Variants in CFH observed in about 807,000 individuals in gnomAD.
CFH encodes H factor 1 (complement).
A neutral mutation model predicts 147.3 loss-of-function variants in CFH; 53 were observed. That is an observed-to-expected ratio of 0.36 (90% CI 0.29 to 0.45). The LOEUF is 0.45. Ranked by LOEUF, CFH falls within the 20% of genes least tolerant of loss-of-function variation. CFH has a pLI of 1.00. For missense variants in CFH, 1,380 were observed against 1,498.0 expected, an observed-to-expected ratio of 0.92 and a Z score of 1.30; for synonymous variants, 536 against 489.4, an observed-to-expected ratio of 1.10 and a Z score of -1.26.
At chr1:196,685,370 T>C (rs1667791676) in intron 7 of CFH, 133 bp downstream of exon 7, 3 of 968,386 alleles carry the variant, frequency 3.1e-6, no homozygotes, top group Non-Finnish European at 4.8e-6. Flanking sequence ...AAGCATTCTT[T>C]AGTTTTCGAA....
intron 1 of CFH, among the ~76,000 whole-genome samples, chr1:196,666,089 T>G (rs1370072106): frequency 6.6e-6 from 1 of 152,226 alleles, no homozygotes; most frequent in Non-Finnish European, 1.5e-5. Flanking sequence ...AAACTCAGCT[T>G]CTAATATCTT....
chr1:196,710,330 A>G (rs1395437475), intron 9 of CFH, among the ~76,000 whole-genome samples: 1 of 152,118 alleles, frequency 6.6e-6, no homozygotes, highest in Non-Finnish European at 1.5e-5. Flanking sequence ...GTCTCAGCGT[A>G]TTGGTCTATT....
intron 15 of CFH, among the ~76,000 whole-genome samples, chr1:196,729,276 T>G (rs891961150): frequency 6.6e-6 from 1 of 152,062 alleles, no homozygotes; most frequent in Non-Finnish European, 1.5e-5. Flanking sequence ...ATATATGCAG[T>G]GAAGTGTACA....
chr1:196,732,102 T>A (rs182533061), intron 15 of CFH, among the ~76,000 whole-genome samples: 1 of 152,186 alleles, frequency 6.6e-6, no homozygotes, highest in Admixed American at 6.6e-5. Flanking sequence ...TTTCTGTTTT[T>A]AACATGGTGA....
chr1:196,673,817 G>A (rs372454449), intron 2 of CFH, 40 bp from the exon 3 acceptor site: 7 of 1,191,766 alleles, frequency 5.9e-6, no homozygotes, highest in Non-Finnish European at 8.8e-6. Flanking sequence ...TATATTCCTT[G>A]CTATTACATA....
At chr1:196,737,103 C>T (rs1292178604) in intron 16 of CFH, 97 bp downstream of exon 16, 6 of 1,063,756 alleles carry the variant, frequency 5.6e-6, no homozygotes, top group Non-Finnish European at 8.4e-6. Flanking sequence ...TTCTCTGTGT[C>T]TATTACTTTA....
intron 6 of CFH, among the ~76,000 whole-genome samples, chr1:196,680,075 A>G (rs1335801641): frequency 6.6e-6 from 1 of 151,880 alleles, no homozygotes; most frequent in African/African-American, 2.4e-5. Flanking sequence ...AGTGAGGACT[A>G]TAATAGACTT....
intron 9 of CFH, among the ~76,000 whole-genome samples, chr1:196,712,587 G>A (rs1429794511): frequency 2.0e-5 from 3 of 151,252 alleles, no homozygotes; most frequent in Admixed American, 6.6e-5. Flanking sequence ...CCTAGTAAAC[G>A]ACAGTAATTT....
intron 6 of CFH, among the ~76,000 whole-genome samples, chr1:196,680,808 A>G (rs933884817): frequency 1.3e-5 from 2 of 151,918 alleles, no homozygotes; most frequent in African/African-American, 4.8e-5. Flanking sequence ...ACAAAAGAAT[A>G]GTTAATTTTG....
At chr1:196,654,767 G>A (rs1447105116) in intron 1 of CFH, among the ~76,000 whole-genome samples, 2 of 152,152 alleles carry the variant, frequency 1.3e-5, no homozygotes, top group East Asian at 1.9e-4. Context: ...GATTTAGAGT[G>A]CAGAAACGTT....
In CFH at chr1:196,652,110, T is replaced by C; in HGVS notation, c.-8T>C. 6.2e-7 allele frequency: 1 copy of C among 1,602,212 alleles called. No homozygotes were observed. On this transcript the variant is annotated 5_prime_UTR_variant, in exon 1 of 22. Transcript: ENST00000367429. ...AGCTGGTAAATGTCCTCTTAAAAGATCCAAAAAATGAGACTTCTAGCAAAG... is the reference window on the plus strand; with the variant it reads ...AGCTGGTAAATGTCCTCTTAAAAGACCCAAAAAATGAGACTTCTAGCAAAG...
chr1:196,713,439 T>C (rs944074499), intron 9 of CFH, among the ~76,000 whole-genome samples: 2 of 152,142 alleles, frequency 1.3e-5, no homozygotes. Context: ...GTCTATTGAG[T>C]TCTGACATGC....
At chr1:196,700,917 G>T in intron 9 of CFH, 1 of 940,492 alleles carries the variant, frequency 1.1e-6, no homozygotes, top group Non-Finnish European at 1.3e-6. Context: ...TCTCAGAGCA[G>T]CTGGCACCCC....
Position 196,726,538 on chromosome 1 carries a change from G to C in CFH, c.1942G>C (p.Glu648Gln). 1.9e-6 allele frequency: 3 copies of C among 1,613,068 alleles called. No individual in the cohort carries two copies. The highest frequency in any genetic ancestry group is 2.5e-6 in the Non-Finnish European group (3 of 1,179,218). ...GAATGTTAAGGAAAAAACGAAAGAA[G>C]AATATGGACACAGTGAAGTGGTGGA... ...NGNVKEKTKE[E>Q]YGHSEVVEYY... The change falls in exon 13 of 22, where the codon GAA (glutamate) becomes CAA (glutamine). Residue 648 changes from glutamate (E) to glutamine (Q), a missense_variant. Physicochemically the swap from Glu to Gln is conservative, Grantham distance 29. Transcript: ENST00000367429.
chr1:196,710,995 A>AT (rs1237417848), intron 9 of CFH, among the ~76,000 whole-genome samples: 1 of 151,976 alleles, frequency 6.6e-6, no homozygotes, highest in Admixed American at 6.6e-5. Context: ...TATTCAGAAT[A>AT]TTTTTTATTT....
At chr1:196,715,060 C>T (rs1271797403) in intron 10 of CFH, among the ~76,000 whole-genome samples, 4 of 151,628 alleles carry the variant, frequency 2.6e-5, no homozygotes, top group Non-Finnish European at 5.9e-5. Context: ...AATATGAGGT[C>T]TAGTTTACAA....
At chr1:196,742,523 C>T (rs1207268527) in intron 19 of CFH, among the ~76,000 whole-genome samples, 5 of 151,890 alleles carry the variant, frequency 3.3e-5, no homozygotes, top group Non-Finnish European at 5.9e-5. Context: ...AGTCGTATGC[C>T]TAAAAATAAA....
intron 1 of CFH, among the ~76,000 whole-genome samples, chr1:196,661,049 A>G (rs1321225077): frequency 6.6e-6 from 1 of 152,204 alleles, no homozygotes; most frequent in Non-Finnish European, 1.5e-5. Flanking sequence ...ATCAGCTTGT[A>G]ATTAATCAGT....
rs200608085 is a variant in CFH at position 196,713,813 on chromosome 1, A to C, written c.1415A>C (p.Lys472Thr). The C allele has an allele frequency of 6.2e-7, 1 of 1,611,804 alleles. No individual in the cohort carries two copies. The highest frequency in any genetic ancestry group is 1.7e-5 in the Admixed American group (1 of 59,852). Residue 472 changes from lysine (K) to threonine (T), a missense_variant, in exon 10 of 22, where the codon AAA (lysine) becomes ACA (threonine). Around this residue, in one of 4 missense-constraint regions of CFH, gnomAD observed 830 missense variants for 821.4 expected, o/e 1.01. Coordinates refer to ENST00000367429, the MANE Select transcript of CFH (RefSeq NM_000186.4). The stretch of plus-strand genomic sequence containing the variant: ...CAGTATACATATGCCTTAAAAGAAA[A>C]AGCGAAATATCAATGCAAACTAGGA... ...ESQYTYALKE[K>T]AKYQCKLGYV...
Sources: allele counts gnomAD v4.1 joint callset (sites outside exome capture counted in the v4.1 genomes callset), GRCh38; gene constraint gnomAD v4.1.1; regional missense constraint gnomAD v4.1.1; transcripts MANE v1.5; gene names NCBI Gene and HGNC (gene_info 2026-07-23, HGNC 2026-07-21).